The following RAPH1 variants were observed in gnomAD, a reference collection of about 807,000 sequenced individuals.
RAPH1 encodes the protein Ras association (RalGDS/AF-6) and pleckstrin homology domains 1, also known as ras-associated and pleckstrin homology domains-containing protein 1.
Under a neutral mutation model 88.1 loss-of-function variants are expected in RAPH1, and 18 were observed. The observed-to-expected ratio is 0.20, with a 90% CI of 0.14 to 0.30. RAPH1 has a LOEUF of 0.30. Among genes scored for constraint, RAPH1 ranks in the 10% least tolerant of loss-of-function variants. The pLI, the probability that RAPH1 is intolerant of heterozygous loss-of-function variation, is 1.00. For synonymous variants in RAPH1, 587 were observed against 559.0 expected (o/e 1.05, Z -0.71); for missense variants, 1,448 against 1,543.2 (o/e 0.94, Z 1.03).
chr2:203,534,505 T>TCCCCCC (rs1486665508), intron 1 of RAPH1, among the ~76,000 whole-genome samples: 31 of 7,406 alleles, frequency 4.2e-3, no homozygotes, highest in Admixed American at 8.9e-3. Flanking sequence ...CCTCCCTCCG[T>TCCCCCC]CCACCCCCCC....
intron 10 of RAPH1, among the ~76,000 whole-genome samples, chr2:203,450,806 G>A (rs1320295700): frequency 6.6e-6 from 1 of 152,112 alleles, no homozygotes; most frequent in Non-Finnish European, 1.5e-5. Flanking sequence ...CTCCCTTCAT[G>A]GTGATTTGCA....
chr2:203,505,447 C>CA (rs990060917), intron 1 of RAPH1, among the ~76,000 whole-genome samples: 3 of 151,920 alleles, frequency 2.0e-5, no homozygotes, highest in Admixed American at 2.0e-4. Flanking sequence ...AATTACCCCC[C>CA]CCGGGTCCCT....
chr2:203,466,229 G>C (rs1399403703), intron 4 of RAPH1, among the ~76,000 whole-genome samples: 1 of 152,130 alleles, frequency 6.6e-6, no homozygotes, highest in African/African-American at 2.4e-5. Context: ...ACCTCTTTTA[G>C]AGTCTGAGTA....
At chr2:203,523,788 C>A (rs1046061580) in intron 1 of RAPH1, among the ~76,000 whole-genome samples, 4 of 152,128 alleles carry the variant, frequency 2.6e-5, no homozygotes, top group African/African-American at 9.7e-5. Flanking sequence ...AGGTGGATCA[C>A]CAGGTCAGGA....
chr2:203,445,824 T>A (rs2098509013), intron 12 of RAPH1: 1 of 152,144 alleles, frequency 6.6e-6, no homozygotes. Flanking sequence ...TTAATAAATA[T>A]TTTCTTAGAA....
chr2:203,442,698 A>G (rs1018769053), intron 13 of RAPH1: 1 of 152,274 alleles, frequency 6.6e-6, no homozygotes, highest in Non-Finnish European at 1.5e-5. Flanking sequence ...GAAGAAATAC[A>G]GAGTGATCAA....
rs948210382 is a variant in RAPH1 at position 203,468,848 on chromosome 2, A to C, written c.733-6923T>G. ...AGAATGGTGGTAATGGGAATGCAAC[A>C]AATGGGTGAGCTCAGTAAATCCTAC... On this transcript the variant is annotated intron_variant, in intron 4 of 13. Transcript: ENST00000319170. Among the ~76,000 whole-genome samples, 6 of 152,230 alleles carry C rather than the reference A, an allele frequency of 3.9e-5. No individual in the cohort carries two copies. In the East Asian group the frequency reaches 1.2e-3, roughly 29 times the overall value.
In RAPH1 at chr2:203,440,701, G is replaced by A. The variant is rs369238546; in HGVS notation, c.2489C>T (p.Thr830Ile). 4.8e-5 allele frequency: 77 copies of A among 1,596,288 alleles called. No homozygotes were observed. The highest frequency in any genetic ancestry group is 6.4e-5 in the Non-Finnish European group (75 of 1,170,886). Residue 830 changes from threonine (T) to isoleucine (I), a missense_variant, in exon 14 of 14, where the codon ACC becomes ATC. This residue lies in a region of RAPH1 where 935 missense variants were observed against 890.1 expected (regional missense o/e 1.05). Coordinates refer to ENST00000319170, the MANE Select transcript of RAPH1 (RefSeq NM_213589.3). Reference sequence around the variant, plus strand: ...TGGCGGGGGTACTGGAACAGGAGGGGTAGGGGGAGAGGGTGGAATGTAAGA... The same window carrying A: ...TGGCGGGGGTACTGGAACAGGAGGGATAGGGGGAGAGGGTGGAATGTAAGA... ...PASYIPPSPP[T>I]PPVPVPPPTL...
In RAPH1 at chr2:203,459,943, C is replaced by T; in HGVS notation, c.1056G>A (p.Glu352=). Residue 352 remains glutamate (E), a synonymous_variant, in exon 7 of 14, where the codon GAG becomes GAA. Coordinates refer to ENST00000319170, the MANE Select transcript of RAPH1 (RefSeq NM_213589.3). ...RDSQNKLIFM[E]RIEKYALFKN... ...TGAAAAGTGCATATTTTTCTATACG[C>T]TCCATAAATATAAGCTTGTTTTGGC... 8 of 1,613,228 alleles carry T rather than the reference C, an allele frequency of 5.0e-6. No homozygotes were observed. Among genetic ancestry groups the T allele is most frequent in the South Asian group, 3.3e-5 (3 of 90,894 alleles).
intron 4 of RAPH1, among the ~76,000 whole-genome samples, chr2:203,463,826 C>T (rs1000262534): frequency 1.3e-5 from 2 of 152,086 alleles, no homozygotes; most frequent in African/African-American, 4.8e-5. Context: ...AAATTTTTCT[C>T]TTTTTAAAAC....
chr2:203,456,364 T>C (rs1401503138), intron 8 of RAPH1, among the ~76,000 whole-genome samples: 1 of 152,248 alleles, frequency 6.6e-6, no homozygotes, highest in Non-Finnish European at 1.5e-5. Context: ...TTTAAAAGAA[T>C]GCAACGTGCT....
intron 13 of RAPH1, chr2:203,442,207 A>G: frequency 1.0e-6 from 1 of 967,922 alleles, no homozygotes; most frequent in East Asian, 3.0e-5. Flanking sequence ...ATGTATCAAG[A>G]AATGGCAGCT....
chr2:203,485,638 T>G (rs1687933806), intron 4 of RAPH1, among the ~76,000 whole-genome samples: 1 of 152,116 alleles, frequency 6.6e-6, no homozygotes, highest in South Asian at 2.1e-4. Context: ...CCCAAGGTCA[T>G]TTTCCACGAA....
rs773939531 is a variant in RAPH1 at position 203,440,558 on chromosome 2, T to C, written c.2632A>G (p.Met878Val). 7 of 1,528,560 alleles carry C rather than the reference T, an allele frequency of 4.6e-6. No individual in the cohort carries two copies. The East Asian group carries it at 6.9e-5, about 15-fold the overall frequency. 94.7% of individuals were successfully genotyped at this position (1,528,560 alleles called of 1,614,324 possible). The change falls in exon 14 of 14, where the codon ATG becomes GTG. Residue 878 changes from methionine to valine, a missense_variant. Met to Val is a conservative substitution (Grantham distance 21, BLOSUM62 1). Coordinates refer to ENST00000319170, the MANE Select transcript of RAPH1 (RefSeq NM_213589.3). ...ACAGGCTTTAAGGGCTGAGATTCCA[T>C]GGCAGGGGGAGTTGGAGGGGGTGGA... ...QFPPPPTPPA[M>V]ESQPLKPVPA...
intron 1 of RAPH1, among the ~76,000 whole-genome samples, chr2:203,501,012 A>G (rs1688717632): frequency 1.3e-5 from 2 of 152,332 alleles, no homozygotes; most frequent in Non-Finnish European, 2.9e-5. Flanking sequence ...AATAATTCTA[A>G]AGAAAAACAT....
chr2:203,439,820 G>T lies in RAPH1; in HGVS notation c.3370C>A (p.Arg1124=). ...MSVKKAPPPT[R]PKRNDSTRLT... ...CGGGTGCTATCATTCCGTTTGGGTC[G>T]TGTGGGTGGAGGGGCCTTCTTCACT... The change falls in exon 14 of 14, where the codon CGA becomes AGA. Residue 1124 remains arginine, a synonymous_variant. Coordinates refer to ENST00000319170, the MANE Select transcript of RAPH1 (RefSeq NM_213589.3). 1 of 1,614,128 alleles carries T rather than the reference G, an allele frequency of 6.2e-7. No homozygotes were observed. The highest frequency in any genetic ancestry group is 1.1e-5 in the South Asian group (1 of 91,082).
chr2:203,514,325 C>T (rs1689499010), intron 1 of RAPH1, among the ~76,000 whole-genome samples: 1 of 152,160 alleles, frequency 6.6e-6, no homozygotes, highest in Non-Finnish European at 1.5e-5. Flanking sequence ...GTCTGAGGTG[C>T]TTTGACTTCT....
At chr2:203,482,189 A>G (rs1687760058) in intron 4 of RAPH1, among the ~76,000 whole-genome samples, 1 of 151,662 alleles carries the variant, frequency 6.6e-6, no homozygotes, top group South Asian at 2.1e-4. Context: ...CCTTTATTTT[A>G]TTTTATTTTA....
At chr2:203,480,666 G>C (rs1229216970) in intron 4 of RAPH1, among the ~76,000 whole-genome samples, 3 of 152,260 alleles carry the variant, frequency 2.0e-5, no homozygotes, top group Non-Finnish European at 4.4e-5. Context: ...ACACTTCCTT[G>C]TGATAGCTAA....
Sources: gnomAD v4.1 joint callset for allele counts (sites outside exome capture counted in the v4.1 genomes callset) on GRCh38, gnomAD v4.1.1 for gene constraint, gnomAD v4.1.1 regional missense constraint, MANE v1.5 for transcripts, NCBI Gene and HGNC (gene_info 2026-07-23, HGNC 2026-07-21) for gene names.